RGPD3: variants seen among roughly 807,000 people sequenced by gnomAD.
RGPD3 encodes the protein RANBP2 like and GRIP domain containing 3, also known as ranBP2-like and GRIP domain-containing protein 3.
In RGPD3, 62 loss-of-function variants were observed where a neutral mutation model predicts 154.5. The observed-to-expected ratio is 0.40, with a 90% CI of 0.33 to 0.50. The LOEUF is 0.50. RGPD3 is among the 20% of genes least tolerant of loss of function. The pLI is 0.59. For synonymous variants in RGPD3, 308 were observed against 607.0 expected (o/e 0.51, Z 7.24); for missense variants, 919 against 1,716.8 (o/e 0.54, Z 8.21).
intron 9 of RGPD3, among the ~76,000 whole-genome samples, chr2:106,437,656 T>C (rs1677604965): frequency 6.6e-6 from 1 of 152,230 alleles, no homozygotes; most frequent in African/African-American, 2.4e-5. Context: ...GGTATCTCTA[T>C]GGAAATAACT....
At position 106,413,099 on chromosome 2, in the gene RGPD3, C is replaced by A. The variant is rs1409469705; in HGVS notation, c.5251G>T (p.Ala1751Ser). 1 of 1,610,592 alleles carries A rather than the reference C, an allele frequency of 6.2e-7. No homozygotes were observed. Among genetic ancestry groups the A allele is most frequent in the Non-Finnish European group, 8.5e-7 (1 of 1,179,608 alleles). The change falls in exon 22 of 23, where the codon GCT (alanine) becomes TCT (serine). Residue 1751 changes from alanine to serine, a missense_variant. Transcript: ENST00000409886. The part of the protein sequence containing the change: ...QLSLEEKGKL[A>S]AVAQGEE ...TTTTACCCACCTTGAGCAACCGCAG[C>A]AAGTTTTCCCTTTTCTTCAAGGCTG...
chr2:106,466,884 C>T (rs1455111772), intron 1 of RGPD3, among the ~76,000 whole-genome samples: 2 of 73,132 alleles, frequency 2.7e-5, no homozygotes, highest in African/African-American at 4.9e-5. Context: ...AGGCCGCCGC[C>T]GGGCCGGGTC....
intron 22 of RGPD3, among the ~76,000 whole-genome samples, chr2:106,412,353 G>A (rs1306177016): frequency 7.6e-5 from 9 of 119,136 alleles, no homozygotes; most frequent in South Asian, 2.7e-4. Context: ...TCGCTCTGCC[G>A]TCAGGCTGGA....
At chr2:106,413,644 C>G (rs559678730) in intron 21 of RGPD3, among the ~76,000 whole-genome samples, 4,428 of 140,980 alleles carry the variant, frequency 0.031, 129 homozygotes, top group African/African-American at 0.11. Flanking sequence ...AGAAAGGCAA[C>G]AAGCTAATAC....
intron 22 of RGPD3, among the ~76,000 whole-genome samples, chr2:106,410,219 G>T (rs552944187): frequency 4.6e-5 from 7 of 152,142 alleles, no homozygotes; most frequent in African/African-American, 1.4e-4. Flanking sequence ...ATCTAAATCT[G>T]CTGCTAAACC....
chr2:106,437,736 A>C (rs1041037756), intron 9 of RGPD3, among the ~76,000 whole-genome samples: 32 of 152,032 alleles, frequency 2.1e-4, no homozygotes, highest in African/African-American at 7.5e-4. Context: ...AGTTGAGAAA[A>C]CTTGGATGCC....
At chr2:106,458,019 GAAGTGATTATAGTAAACATTTTTA>G (rs1340759415) in intron 2 of RGPD3, among the ~76,000 whole-genome samples, 414 of 84,148 alleles carry the variant, frequency 4.9e-3, no homozygotes, top group Middle Eastern at 8.5e-3. Context: ...AAATAAATTA[GAAGTGATTATAGTAAACATTTTTA>G]AAGTTATCAT....
At chr2:106,417,581 C>T (rs1188387198) in intron 20 of RGPD3, among the ~76,000 whole-genome samples, 19 of 149,954 alleles carry the variant, frequency 1.3e-4, no homozygotes, top group Middle Eastern at 3.4e-3. Flanking sequence ...TCTCCCTCTT[C>T]CCGGGTTACA....
Position 106,408,549 on chromosome 2 carries a change from G to A in RGPD3, c.5267-3320C>T, listed in dbSNP as rs888105054. On this transcript the variant is annotated intron_variant, in intron 22 of 22. Coordinates refer to ENST00000409886, the MANE Select transcript of RGPD3 (RefSeq NM_001144013.2). ...TTTTATATCTAGAGCTGATGATACA[G>A]TCAGGTATTTACCAACACTCATGTA... Among the ~76,000 whole-genome samples the A allele has an allele frequency of 8.5e-5, 12 of 141,580 alleles. No individual in the cohort carries two copies. In the South Asian group the frequency reaches 1.1e-3, roughly 12 times the overall value. 92.9% of individuals were successfully genotyped at this position (141,580 alleles called of 152,430 possible).
chr2:106,420,579 A>C (rs1472947113), intron 20 of RGPD3, among the ~76,000 whole-genome samples: 1,819 of 152,308 alleles, frequency 0.012, 1 homozygote, highest in African/African-American at 0.041. Flanking sequence ...GTAAGTGTAA[A>C]CACACACACT....
chr2:106,446,813 T>C (rs1274991164), intron 7 of RGPD3, among the ~76,000 whole-genome samples: 1 of 151,262 alleles, frequency 6.6e-6, no homozygotes, highest in Non-Finnish European at 1.5e-5. Flanking sequence ...ACCCAGGAGG[T>C]GGAGGCTGCA....
In RGPD3 at chr2:106,468,245, A is replaced by G. The variant is rs767984195; in HGVS notation, c.44T>C (p.Val15Ala). ...KAYGERYVAS[V>A]QGSAPSPRKK... ...TCGAGGCGACGGGGCGGAGCCCTGCACCGAGGCGACGTACCGCTCCCCGTA... is the reference window on the plus strand; with the variant it reads ...TCGAGGCGACGGGGCGGAGCCCTGCGCCGAGGCGACGTACCGCTCCCCGTA... The change falls in exon 1 of 23, where the codon GTG (valine) becomes GCG (alanine). Residue 15 changes from valine to alanine, a missense_variant. Transcript: ENST00000409886. 2.6e-5 allele frequency: 42 copies of G among 1,607,776 alleles called. No individual in the cohort carries two copies. In the East Asian group the frequency reaches 2.7e-4, roughly 10 times the overall value.
In RGPD3 at chr2:106,426,084, T is replaced by TG. The variant is rs1279954006; in HGVS notation, c.2609dup (p.Thr871AsnfsTer9). On this transcript the variant is annotated frameshift_variant, in exon 19 of 23. Coordinates refer to ENST00000409886, the MANE Select transcript of RGPD3 (RefSeq NM_001144013.2). LOFTEE classifies it high-confidence loss of function. ...TATAATATACTGAAGGGCCAGTAGTTGCAACTAAAAAAAAAAAAGAAAAGA... is the reference window on the plus strand; with the variant it reads ...TATAATATACTGAAGGGCCAGTAGTTGGCAACTAAAAAAAAAAAAGAAAAGA... The TG allele has an allele frequency of 1.3e-6, 2 of 1,592,112 alleles. No individual in the cohort carries two copies. The highest frequency in any genetic ancestry group is 2.7e-5 in the African/African-American group (2 of 73,674).
intron 6 of RGPD3, among the ~76,000 whole-genome samples, chr2:106,448,034 T>A (rs1201524364): frequency 4.6e-5 from 7 of 151,146 alleles, no homozygotes; most frequent in Non-Finnish European, 8.8e-5. Flanking sequence ...AGTAAATAAT[T>A]GACAGGTATT....
At chr2:106,445,584 ATCC>A (rs1220710581) in intron 7 of RGPD3, among the ~76,000 whole-genome samples, 8 of 152,224 alleles carry the variant, frequency 5.3e-5, no homozygotes, top group Non-Finnish European at 1.2e-4. Flanking sequence ...GATCGAGACC[ATCC>A]TGGCTAACAT....
chr2:106,466,158 G>A (rs1464415059), intron 1 of RGPD3, among the ~76,000 whole-genome samples: 1 of 148,894 alleles, frequency 6.7e-6, no homozygotes, highest in African/African-American at 2.6e-5. Context: ...GAGCACCGTC[G>A]GGAACAAGCG....
At chr2:106,420,250 T>C (rs924908816) in intron 20 of RGPD3, among the ~76,000 whole-genome samples, 1 of 143,924 alleles carries the variant, frequency 6.9e-6, no homozygotes. Flanking sequence ...TAAAAACTGT[T>C]ACTCTATGGG....
intron 18 of RGPD3, among the ~76,000 whole-genome samples, chr2:106,428,516 G>A (rs1380066816): frequency 2.1e-5 from 3 of 141,050 alleles, no homozygotes; most frequent in Non-Finnish European, 4.6e-5. Context: ...ACTTATCTAT[G>A]ACTTACGACA....
chr2:106,406,228 G>GTA lies in RGPD3; in HGVS notation c.5267-1001_5267-1000dup, dbSNP rs773826348. On this transcript the variant is annotated intron_variant, in intron 22 of 22. Transcript: ENST00000409886. ...TATAGTAAAACCTGCCCTTTTCAGC[G>GTA]TATAGCACTGAGTCTTGACAAATGC... 1.1e-3 allele frequency among the ~76,000 whole-genome samples: 164 copies of GTA among 149,158 alleles called. 2 individuals carry two copies. The highest frequency in any genetic ancestry group is 7.0e-3 in the Middle Eastern group (2 of 284).
Sources: gnomAD v4.1 joint callset for allele counts (sites outside exome capture counted in the v4.1 genomes callset) on GRCh38, gnomAD v4.1.1 for gene constraint, MANE v1.5 for transcripts, NCBI Gene and HGNC (gene_info 2026-07-23, HGNC 2026-07-21) for gene names.